The following MLLT3 variants were observed in gnomAD, a reference collection of about 807,000 sequenced individuals.
The protein encoded by MLLT3 is protein AF-9.
MLLT3 carries 4 observed loss-of-function variants against 53.2 expected under a neutral mutation model. That is an observed-to-expected ratio of 0.08 (90% CI 0.04 to 0.17). MLLT3 has a LOEUF of 0.17. MLLT3 is among the 10% of genes least tolerant of loss of function. The pLI is 1.00. For synonymous variants in MLLT3, 283 were observed against 230.6 expected, an observed-to-expected ratio of 1.23 and a Z score of -2.06; for missense variants, 569 against 684.0, an observed-to-expected ratio of 0.83 and a Z score of 1.87.
At chr9:20,385,952 GA>G (rs1416695412) in intron 5 of MLLT3, among the ~76,000 whole-genome samples, 1 of 152,148 alleles carries the variant, frequency 6.6e-6, no homozygotes, top group Non-Finnish European at 1.5e-5. Context: ...TCTGCCTTCT[GA>G]GATATTTGTG....
intron 5 of MLLT3, among the ~76,000 whole-genome samples, chr9:20,394,298 A>G (rs1443514569): frequency 2.0e-5 from 3 of 152,166 alleles, no homozygotes; most frequent in Non-Finnish European, 4.4e-5. Flanking sequence ...AGGGAGGCAG[A>G]GCAGTTCTTC....
intron 2 of MLLT3, among the ~76,000 whole-genome samples, chr9:20,473,526 A>C (rs1213532328): frequency 6.6e-6 from 1 of 152,134 alleles, no homozygotes; most frequent in Non-Finnish European, 1.5e-5. Flanking sequence ...AATCACTGCC[A>C]GGAAGACATA....
chr9:20,553,156 T>G (rs979148964), intron 2 of MLLT3, among the ~76,000 whole-genome samples: 3 of 152,174 alleles, frequency 2.0e-5, no homozygotes, highest in Non-Finnish European at 2.9e-5. Flanking sequence ...TTTTATACTT[T>G]AACCTCATGA....
At chr9:20,475,360 A>G (rs574303815) in intron 2 of MLLT3, among the ~76,000 whole-genome samples, 1 of 152,214 alleles carries the variant, frequency 6.6e-6, no homozygotes, top group South Asian at 2.1e-4. Context: ...AACTTTTCAC[A>G]AAGATACCCA....
At chr9:20,374,798 G>C (rs1039984577) in intron 5 of MLLT3, among the ~76,000 whole-genome samples, 4 of 152,128 alleles carry the variant, frequency 2.6e-5, no homozygotes, top group African/African-American at 7.2e-5. Context: ...ACTACCACTA[G>C]TAAGGTGAGT....
chr9:20,437,534 G>A (rs1586948739), intron 4 of MLLT3, among the ~76,000 whole-genome samples: 1 of 152,042 alleles, frequency 6.6e-6, no homozygotes, highest in South Asian at 2.1e-4. Flanking sequence ...AGGGTGTAGT[G>A]GACGAAAGAA....
At chr9:20,391,941 G>C (rs1315714000) in intron 5 of MLLT3, among the ~76,000 whole-genome samples, 1 of 152,050 alleles carries the variant, frequency 6.6e-6, no homozygotes, top group African/African-American at 2.4e-5. Flanking sequence ...TGCTACATAA[G>C]GTTAAAGACA....
At chr9:20,485,113 C>A (rs1225662532) in intron 2 of MLLT3, among the ~76,000 whole-genome samples, 1 of 151,962 alleles carries the variant, frequency 6.6e-6, no homozygotes, top group Non-Finnish European at 1.5e-5. Context: ...CTCAGCCTCC[C>A]CAGTAGCTGG....
chr9:20,601,873 T>A (rs1008217490), intron 2 of MLLT3, among the ~76,000 whole-genome samples: 1 of 152,134 alleles, frequency 6.6e-6, no homozygotes. Flanking sequence ...CCTATACAAA[T>A]AGGTCTGATT....
chr9:20,532,310 G>GAA (rs148443498), intron 2 of MLLT3, among the ~76,000 whole-genome samples: 84 of 138,310 alleles, frequency 6.1e-4, no homozygotes, highest in Middle Eastern at 3.8e-3. Flanking sequence ...AAAAAAATAG[G>GAA]AAAAAAAAAT....
In MLLT3 at chr9:20,414,017, C is replaced by T. The variant is rs759412012; in HGVS notation, c.829G>A (p.Asp277Asn). 2.5e-6 allele frequency: 4 copies of T among 1,614,018 alleles called. No homozygotes were observed. The highest frequency in any genetic ancestry group is 2.7e-5 in the African/African-American group (2 of 74,920). The change falls in exon 5 of 11, where the codon GAT (aspartate) becomes AAT (asparagine). Residue 277 changes from aspartate (D) to asparagine (N), a missense_variant. Asp to Asn is a conservative substitution (Grantham distance 23, BLOSUM62 1). Around this residue, in one of 5 missense-constraint regions of MLLT3, gnomAD observed 437 missense variants for 376.5 expected, o/e 1.16. Transcript: ENST00000380338. ...GGCCTTTTACTAGGAGCCTTCTTAT[C>T]TTGTCCACTGGTGATGGTGAGTAAG... ...SNLLTITSGQ[D>N]KKAPSKRPPI...
chr9:20,493,560 C>A (rs1427617198), intron 2 of MLLT3, among the ~76,000 whole-genome samples: 3 of 152,006 alleles, frequency 2.0e-5, no homozygotes, highest in Non-Finnish European at 2.9e-5. Flanking sequence ...AAGCATTACA[C>A]ATAGATGCTC....
intron 2 of MLLT3, among the ~76,000 whole-genome samples, chr9:20,484,196 C>A (rs1047211580): frequency 2.6e-5 from 4 of 152,108 alleles, no homozygotes; most frequent in Admixed American, 2.6e-4. Context: ...GCAATCCAGT[C>A]AAGCCGGTAA....
intron 2 of MLLT3, among the ~76,000 whole-genome samples, chr9:20,467,224 T>G (rs764965004): frequency 2.0e-5 from 3 of 152,084 alleles, no homozygotes; most frequent in Non-Finnish European, 2.9e-5. Context: ...CAAGTGATCC[T>G]CTCGCCTCAG....
chr9:20,519,273 A>G (rs578026091), intron 2 of MLLT3, among the ~76,000 whole-genome samples: 53 of 152,336 alleles, frequency 3.5e-4, no homozygotes, highest in African/African-American at 1.1e-3. Flanking sequence ...AGTTTTTACA[A>G]AAGTTTTTAC....
chr9:20,496,996 G>T (rs747658624), intron 2 of MLLT3, among the ~76,000 whole-genome samples: 12 of 152,186 alleles, frequency 7.9e-5, no homozygotes, highest in Non-Finnish European at 1.8e-4. Flanking sequence ...AAATGCTTAA[G>T]ATTTAATTTC....
At chr9:20,616,037 T>C (rs1476476114) in intron 2 of MLLT3, among the ~76,000 whole-genome samples, 1 of 152,220 alleles carries the variant, frequency 6.6e-6, no homozygotes, top group Non-Finnish European at 1.5e-5. Context: ...TTTTAATTTC[T>C]AATACACTAA....
chr9:20,589,235 C>G (rs1820060226), intron 2 of MLLT3, among the ~76,000 whole-genome samples: 2 of 151,794 alleles, frequency 1.3e-5, no homozygotes, highest in African/African-American at 4.8e-5. Context: ...CACATATACA[C>G]CATGGAATAC....
intron 2 of MLLT3, among the ~76,000 whole-genome samples, chr9:20,539,694 T>G (rs774064366): frequency 2.6e-5 from 4 of 152,102 alleles, no homozygotes; most frequent in African/African-American, 4.8e-5. Context: ...GAGATTTGGG[T>G]GGGGACACAT....
Sources: gnomAD v4.1 joint callset for allele counts (sites outside exome capture counted in the v4.1 genomes callset) on GRCh38, gnomAD v4.1.1 for gene constraint, gnomAD v4.1.1 regional missense constraint, MANE v1.5 for transcripts, NCBI Gene and HGNC (gene_info 2026-07-23, HGNC 2026-07-21) for gene names.